RIMS2: variants seen among roughly 807,000 people sequenced by gnomAD.
RIMS2 encodes regulating synaptic membrane exocytosis protein 2.
In RIMS2, 59 loss-of-function variants were observed where a neutral mutation model predicts 174.4. That is an observed-to-expected ratio of 0.34 (90% CI 0.27 to 0.42). RIMS2 has a LOEUF of 0.42. Ranked by LOEUF, RIMS2 falls within the 10% of genes least tolerant of loss-of-function variation. The pLI, the probability that RIMS2 is intolerant of heterozygous loss-of-function variation, is 1.00. For synonymous variants in RIMS2, 606 were observed against 572.5 expected (o/e 1.06, Z -0.84); for missense variants, 1,620 against 1,666.3 (o/e 0.97, Z 0.48).
intron 1 of RIMS2, among the ~76,000 whole-genome samples, chr8:103,654,607 C>T (rs892927455): frequency 6.6e-6 from 1 of 151,858 alleles, no homozygotes; most frequent in Admixed American, 6.6e-5. Flanking sequence ...AGAAGCCTTC[C>T]TTTTATCTTT....
intron 17 of RIMS2, among the ~76,000 whole-genome samples, chr8:104,008,181 C>T (rs1054863942): frequency 1.3e-5 from 2 of 151,864 alleles, no homozygotes; most frequent in African/African-American, 2.4e-5. Context: ...AGGGCCAGTA[C>T]CTTGGTGGAA....
chr8:104,128,985 T>C (rs918148641), intron 19 of RIMS2, among the ~76,000 whole-genome samples: 1 of 152,208 alleles, frequency 6.6e-6, no homozygotes, highest in Non-Finnish European at 1.5e-5. Context: ...GATGTAAAAA[T>C]AATTTCTTCC....
At chr8:104,202,384 G>A (rs1367560977) in intron 19 of RIMS2, among the ~76,000 whole-genome samples, 1 of 152,166 alleles carries the variant, frequency 6.6e-6, no homozygotes, top group African/African-American at 2.4e-5. Context: ...ATAATCCTAA[G>A]TAAATTCCTT....
chr8:103,988,563 G>A (rs2094501729), intron 16 of RIMS2, among the ~76,000 whole-genome samples: 1 of 152,118 alleles, frequency 6.6e-6, no homozygotes, highest in Admixed American at 6.6e-5. Flanking sequence ...GGGTTCAAGC[G>A]ATTCTTCTGC....
At chr8:104,201,992 A>G (rs1269971054) in intron 19 of RIMS2, among the ~76,000 whole-genome samples, 10 of 152,162 alleles carry the variant, frequency 6.6e-5, no homozygotes, top group Non-Finnish European at 1.5e-5. Flanking sequence ...TAGTTTCTTT[A>G]TTACAATTTG....
At chr8:103,640,223 A>C (rs2096197791) in intron 1 of RIMS2, among the ~76,000 whole-genome samples, 1 of 151,844 alleles carries the variant, frequency 6.6e-6, no homozygotes, top group Non-Finnish European at 1.5e-5. Context: ...TCATGTGATC[A>C]GAAGTGATGG....
chr8:103,592,509 T>C (rs2094309620), intron 1 of RIMS2, among the ~76,000 whole-genome samples: 1 of 151,260 alleles, frequency 6.6e-6, no homozygotes, highest in African/African-American at 2.4e-5. Context: ...TTTTCAACAA[T>C]ATTAGATAAA....
chr8:104,103,035 G>A lies in RIMS2; in HGVS notation c.3334+88420G>A, dbSNP rs141500030. 6.6e-5 allele frequency among the ~76,000 whole-genome samples: 10 copies of A among 152,230 alleles called. 1 individual carries two copies. The highest frequency in any genetic ancestry group is 3.4e-3 in the Middle Eastern group (1 of 294). The stretch of plus-strand genomic sequence containing the variant: ...AACAATGTGGTATATCCATACAATG[G>A]AATATTATTCAGCTGTAAAAAGGAT... On this transcript the variant is annotated intron_variant, in intron 19 of 23. Coordinates refer to ENST00000504942, the Ensembl canonical transcript of RIMS2.
Position 103,915,612 on chromosome 8 carries a change from A to T in RIMS2, c.1912+18A>T. The T allele has an allele frequency of 7.8e-7, 1 of 1,289,162 alleles. No individual in the cohort carries two copies. Among genetic ancestry groups the T allele is most frequent in the East Asian group, 2.3e-5 (1 of 42,806 alleles). The allele number at this position is 1,289,162 out of a possible 1,614,324, so 79.9% of individuals were successfully genotyped here. The stretch of plus-strand genomic sequence containing the variant: ...TAGACCAGGTAGGGTTTTACCTTTG[A>T]TTATTTACATTTAAACCATTCAACT... On this transcript the variant is annotated intron_variant, in intron 7 of 23. Transcript: ENST00000504942.
intron 19 of RIMS2, among the ~76,000 whole-genome samples, chr8:104,162,969 C>T (rs1474767262): frequency 6.6e-6 from 1 of 152,118 alleles, no homozygotes; most frequent in African/African-American, 2.4e-5. Flanking sequence ...TGAGTCCTGT[C>T]CGTGTTACCT....
chr8:103,893,915 T>G (rs1012612504), intron 4 of RIMS2, among the ~76,000 whole-genome samples: 1 of 152,078 alleles, frequency 6.6e-6, no homozygotes, highest in African/African-American at 2.4e-5. Flanking sequence ...GGCATTTCAT[T>G]AATTTTTTAT....
At chr8:103,658,968 A>C (rs776969636) in intron 1 of RIMS2, among the ~76,000 whole-genome samples, 1 of 152,220 alleles carries the variant, frequency 6.6e-6, no homozygotes, top group Non-Finnish European at 1.5e-5. Context: ...TTATTCATTC[A>C]CAAGGAGAGA....
chr8:103,976,174 G>A (rs1156820876), intron 16 of RIMS2: 1 of 152,172 alleles, frequency 6.6e-6, no homozygotes, highest in Non-Finnish European at 1.5e-5. Flanking sequence ...CTAAAGATAA[G>A]AGATTCTTGT....
intron 1 of RIMS2, among the ~76,000 whole-genome samples, chr8:103,539,450 A>G (rs1248319139): frequency 6.6e-6 from 1 of 152,220 alleles, no homozygotes; most frequent in Non-Finnish European, 1.5e-5. Flanking sequence ...TGAAGCAACA[A>G]AGTGGAGCAG....
chr8:103,936,954 C>T (rs750571686), intron 13 of RIMS2, among the ~76,000 whole-genome samples: 6 of 151,870 alleles, frequency 4.0e-5, no homozygotes, highest in Admixed American at 6.6e-5. Flanking sequence ...ATAAATTAGC[C>T]GGGCATGGTG....
At chr8:103,930,707 A>G (rs921867780) in intron 11 of RIMS2, among the ~76,000 whole-genome samples, 34 of 152,176 alleles carry the variant, frequency 2.2e-4, no homozygotes, top group African/African-American at 7.7e-4. Flanking sequence ...AATTTTAAAG[A>G]TGAATTCATT....
At chr8:103,755,995 G>A (rs1448868964) in intron 2 of RIMS2, among the ~76,000 whole-genome samples, 1 of 152,136 alleles carries the variant, frequency 6.6e-6, no homozygotes, top group African/African-American at 2.4e-5. Flanking sequence ...ATCCCTTGGC[G>A]GCAAAGAGGT....
intron 2 of RIMS2, among the ~76,000 whole-genome samples, chr8:103,721,281 C>T (rs546866942): frequency 9.2e-5 from 14 of 152,206 alleles, no homozygotes; most frequent in South Asian, 4.1e-4. Flanking sequence ...TGAGAAACTG[C>T]GAGCCAATTA....
At chr8:103,875,086 C>CTTTA (rs2099129547) in intron 3 of RIMS2, among the ~76,000 whole-genome samples, 1 of 151,992 alleles carries the variant, frequency 6.6e-6, no homozygotes, top group Non-Finnish European at 1.5e-5. Flanking sequence ...GAGAGATTTA[C>CTTTA]TTCAAGAGCA....
Sources: allele counts gnomAD v4.1 joint callset (sites outside exome capture counted in the v4.1 genomes callset), GRCh38; gene constraint gnomAD v4.1.1; transcripts MANE v1.5; gene names NCBI Gene and HGNC (gene_info 2026-07-23, HGNC 2026-07-21).